The following FOXP1 variants were observed in gnomAD, a reference collection of about 807,000 sequenced individuals.
FOXP1 encodes the protein forkhead box protein P1.
FOXP1 carries 15 observed loss-of-function variants against 98.2 expected under a neutral mutation model. The observed-to-expected ratio is 0.15, with a 90% CI of 0.10 to 0.24. The LOEUF (loss-of-function observed/expected upper bound fraction) is 0.24, where lower values mean the gene tolerates loss of function less well. Ranked by LOEUF, FOXP1 falls within the 10% of genes least tolerant of loss-of-function variation. The pLI, the probability that FOXP1 is intolerant of heterozygous loss-of-function variation, is 1.00. For synonymous variants in FOXP1, 371 were observed against 314.5 expected (o/e 1.18, Z -1.90); for missense variants, 633 against 848.5 (o/e 0.75, Z 3.15).
intron 3 of FOXP1, among the ~76,000 whole-genome samples, chr3:71,491,613 A>AT (rs982896381): frequency 3.3e-5 from 5 of 150,566 alleles, no homozygotes; most frequent in East Asian, 3.9e-4. Flanking sequence ...AGGAGGCTGG[A>AT]TTTTTTTTTT....
chr3:71,280,326 T>TTTA (rs1261707159), intron 5 of FOXP1, among the ~76,000 whole-genome samples: 1 of 151,466 alleles, frequency 6.6e-6, no homozygotes, highest in Non-Finnish European at 1.5e-5. Context: ...AATATCTTTT[T>TTTA]TTTTTATTTT....
chr3:71,578,366 T>C (rs1194229051), intron 2 of FOXP1, among the ~76,000 whole-genome samples: 1 of 152,230 alleles, frequency 6.6e-6, no homozygotes, highest in East Asian at 1.9e-4. Flanking sequence ...GCCTGCAATC[T>C]ACTTCGGTTT....
chr3:71,521,879 G>A (rs994398288), intron 2 of FOXP1, among the ~76,000 whole-genome samples: 4 of 152,054 alleles, frequency 2.6e-5, no homozygotes, highest in Admixed American at 1.3e-4. Context: ...ATGGAAAGGC[G>A]CATTGGACTT....
chr3:71,114,708 C>G (rs1207015114), intron 6 of FOXP1, among the ~76,000 whole-genome samples: 1 of 152,140 alleles, frequency 6.6e-6, no homozygotes, highest in Non-Finnish European at 1.5e-5. Context: ...AAGGGAGAGA[C>G]AGATTCGACA....
intron 3 of FOXP1, among the ~76,000 whole-genome samples, chr3:71,446,970 C>T (rs2086505368): frequency 6.6e-6 from 1 of 152,236 alleles, no homozygotes; most frequent in Admixed American, 6.5e-5. Flanking sequence ...ATGAAGCAGG[C>T]AGGGACTCAA....
At chr3:71,569,297 A>T (rs1191953054) in intron 2 of FOXP1, among the ~76,000 whole-genome samples, 1 of 152,214 alleles carries the variant, frequency 6.6e-6, no homozygotes. Flanking sequence ...AAATATGCAC[A>T]TGTGTACACA....
chr3:71,228,896 T>C (rs1287983716), intron 5 of FOXP1, among the ~76,000 whole-genome samples: 1 of 151,808 alleles, frequency 6.6e-6, no homozygotes, highest in African/African-American at 2.4e-5. Context: ...TAGCTTGATA[T>C]GTGGAAACAC....
intron 3 of FOXP1, among the ~76,000 whole-genome samples, chr3:71,427,672 A>G (rs1039226916): frequency 6.6e-6 from 1 of 152,252 alleles, no homozygotes; most frequent in East Asian, 1.9e-4. Context: ...GGAGATGCTC[A>G]GGAAGGAGAA....
chr3:71,244,532 A>T (rs181283690), intron 5 of FOXP1, among the ~76,000 whole-genome samples: 1 of 151,984 alleles, frequency 6.6e-6, no homozygotes, highest in African/African-American at 2.4e-5. Context: ...GAAGAAAAAG[A>T]AAAAGAAATA....
intron 2 of FOXP1, among the ~76,000 whole-genome samples, chr3:71,562,244 T>C (rs2107740790): frequency 6.6e-6 from 1 of 152,310 alleles, no homozygotes; most frequent in South Asian, 2.1e-4. Context: ...TGCCTATGAT[T>C]TATTGAGGGC....
At chr3:71,519,693 A>T (rs1293929172) in intron 2 of FOXP1, among the ~76,000 whole-genome samples, 1 of 152,244 alleles carries the variant, frequency 6.6e-6, no homozygotes, top group African/African-American at 2.4e-5. Flanking sequence ...TGCCTCAAAG[A>T]AACAAACTAA....
intron 3 of FOXP1, among the ~76,000 whole-genome samples, chr3:71,406,067 G>A (rs1229856007): frequency 1.3e-5 from 2 of 152,068 alleles, no homozygotes; most frequent in South Asian, 2.1e-4. Flanking sequence ...ACTCCAACAT[G>A]CAGCCTTGTT....
chr3:71,388,537 CAT>C (rs1462642165), intron 3 of FOXP1, among the ~76,000 whole-genome samples: 2 of 152,088 alleles, frequency 1.3e-5, no homozygotes, highest in African/African-American at 4.8e-5. Flanking sequence ...TGAAGATACA[CAT>C]TGTAACACCG....
chr3:71,214,507 C>T (rs576344279), intron 5 of FOXP1, among the ~76,000 whole-genome samples: 1 of 152,232 alleles, frequency 6.6e-6, no homozygotes, highest in South Asian at 2.1e-4. Flanking sequence ...ACTAAACACC[C>T]AAAGAAACTT....
intron 20 of FOXP1, among the ~76,000 whole-genome samples, chr3:70,962,698 TTAAC>T (rs767410473): frequency 2.0e-5 from 3 of 152,302 alleles, no homozygotes; most frequent in Admixed American, 6.5e-5. Flanking sequence ...TCCTACTTTC[TTAAC>T]TATCAGGTCT....
intron 4 of FOXP1, chr3:71,329,708 C>T (rs991948899): frequency 6.6e-6 from 1 of 152,046 alleles, no homozygotes; most frequent in Non-Finnish European, 1.5e-5. Context: ...TGGTTTGAGG[C>T]CTAATACTTT....
chr3:71,404,015 T>C (rs985834287), intron 3 of FOXP1, among the ~76,000 whole-genome samples: 14 of 151,892 alleles, frequency 9.2e-5, no homozygotes, highest in African/African-American at 3.1e-4. Context: ...AAGATGTCTT[T>C]CTAAAACAAA....
chr3:71,328,486 G>A (rs1346755731), intron 4 of FOXP1, among the ~76,000 whole-genome samples: 1 of 152,144 alleles, frequency 6.6e-6, no homozygotes, highest in East Asian at 1.9e-4. Context: ...GAGTCAGTGA[G>A]GGCAGCAAAG....
At chr3:71,049,312 C>A (rs987945645) in intron 9 of FOXP1, among the ~76,000 whole-genome samples, 10 of 152,302 alleles carry the variant, frequency 6.6e-5, no homozygotes, top group African/African-American at 2.4e-4. Context: ...ACTTAGCCTA[C>A]CTCACCCGCA....
Sources: allele counts gnomAD v4.1 joint callset (sites outside exome capture counted in the v4.1 genomes callset), GRCh38; gene constraint gnomAD v4.1.1; transcripts MANE v1.5; gene names NCBI Gene and HGNC (gene_info 2026-07-23, HGNC 2026-07-21).